DOCK11: variants seen among roughly 807,000 people sequenced by gnomAD.
DOCK11 encodes dedicator of cytokinesis 11.
In DOCK11, 70 loss-of-function variants were observed where a neutral mutation model predicts 169.1. The ratio of observed to expected loss-of-function variants is 0.41; its 90% CI spans 0.34 to 0.51. The LOEUF (loss-of-function observed/expected upper bound fraction) is 0.51, where lower values mean the gene tolerates loss of function less well. Among genes scored for constraint, DOCK11 ranks in the 20% least tolerant of loss-of-function variants. The pLI, the probability that DOCK11 is intolerant of heterozygous loss-of-function variation, is 0.10. For missense variants in DOCK11, 1,166 were observed against 1,538.8 expected, an observed-to-expected ratio of 0.76 and a Z score of 4.05; for synonymous variants, 529 against 541.3, an observed-to-expected ratio of 0.98 and a Z score of 0.32.
chrX:118,605,581 A>G (rs1603110716), intron 24 of DOCK11, among the ~76,000 whole-genome samples: 1 of 112,036 alleles, frequency 8.9e-6, no homozygotes, highest in African/African-American at 3.2e-5. Flanking sequence ...TGAATTTTCC[A>G]CGGTTTCTCC....
At chrX:118,523,150 C>T (rs1300219323) in intron 1 of DOCK11, among the ~76,000 whole-genome samples, 2 of 112,441 alleles carry the variant, frequency 1.8e-5, no homozygotes, top group African/African-American at 3.2e-5. Flanking sequence ...ATTTCTTCCT[C>T]CTGTCCTACA....
At chrX:118,498,906 G>A (rs1465917884) in intron 1 of DOCK11, among the ~76,000 whole-genome samples, 1 of 111,760 alleles carries the variant, frequency 8.9e-6, no homozygotes, top group Non-Finnish European at 1.9e-5. Flanking sequence ...CTGTTATTCA[G>A]TTATTAGTAC....
intron 27 of DOCK11, 103 bp downstream of exon 27, chrX:118,609,452 A>G (rs1356650415): frequency 2.9e-5 from 17 of 594,287 alleles, no homozygotes; most frequent in Non-Finnish European, 4.3e-5. Context: ...TTACTCTCAG[A>G]TAGCCATGCC....
At chrX:118,571,952 T>C (rs755679578) in intron 10 of DOCK11, among the ~76,000 whole-genome samples, 71 of 111,682 alleles carry the variant, frequency 6.4e-4, no homozygotes, top group African/African-American at 2.3e-3. Context: ...GTCCTTGTTG[T>C]GCTGGCAAAA....
intron 48 of DOCK11, among the ~76,000 whole-genome samples, chrX:118,679,203 C>T (rs1468448977): frequency 8.9e-6 from 1 of 111,742 alleles, no homozygotes; most frequent in East Asian, 2.8e-4. Flanking sequence ...CCTCAGATTA[C>T]AGGCATGAAC....
intron 10 of DOCK11, among the ~76,000 whole-genome samples, chrX:118,570,505 A>G (rs965118646): frequency 8.9e-6 from 1 of 112,568 alleles, no homozygotes; most frequent in African/African-American, 3.2e-5. Context: ...GTAGATAAAT[A>G]GATTGAAAGG....
intron 32 of DOCK11, among the ~76,000 whole-genome samples, chrX:118,626,011 A>G (rs1484438337): frequency 9.3e-6 from 1 of 107,069 alleles, no homozygotes; most frequent in Non-Finnish European, 1.9e-5. Context: ...TGCCTTCTAA[A>G]TTTTTCTCCA....
At chrX:118,502,097 G>C in intron 1 of DOCK11, among the ~76,000 whole-genome samples, 1 of 105,784 alleles carries the variant, frequency 9.5e-6, no homozygotes, top group African/African-American at 3.5e-5. Flanking sequence ...GCCTGCATCT[G>C]TATTCTTTAA....
At chrX:118,657,867 TTGGGTA>T in intron 44 of DOCK11, among the ~76,000 whole-genome samples, 1 of 109,958 alleles carries the variant, frequency 9.1e-6, no homozygotes, top group Admixed American at 9.7e-5. Flanking sequence ...AGACTACACA[TTGGGTA>T]CTGCTCGGGT....
intron 1 of DOCK11, among the ~76,000 whole-genome samples, chrX:118,531,527 C>T (rs2011583942): frequency 2.2e-5 from 2 of 90,903 alleles, no homozygotes; most frequent in Admixed American, 2.7e-4. Flanking sequence ...TTCTATACAG[C>T]TTAACCATTT....
chrX:118,643,547 G>A lies in DOCK11; in HGVS notation c.4351G>A (p.Val1451Met), dbSNP rs763872274. ...TTTTCTTAAAAATGGACAATCTGAA[G>A]TGTCGCTGAAACATGTATTTGCCTC... ...LAFLKNGQSE[V>M]SLKHVFASLR... The change falls in exon 40 of 53, where the codon GTG becomes ATG. Residue 1451 changes from valine to methionine, a missense_variant. Physicochemically the swap from Val to Met is conservative, Grantham distance 21. Transcript: ENST00000276202. 8.3e-7 allele frequency: 1 copy of A among 1,209,519 alleles called. No homozygotes were observed. The highest frequency in any genetic ancestry group is 1.1e-6 in the Non-Finnish European group (1 of 895,025).
intron 4 of DOCK11, 49 bp from the exon 5 acceptor site, chrX:118,545,274 T>C (rs768026226): frequency 5.5e-6 from 5 of 917,033 alleles, no homozygotes; most frequent in Non-Finnish European, 7.5e-6. Context: ...TGTTTTTCTT[T>C]TTTTTTTTGG....
At chrX:118,588,345 T>C (rs762441014) in intron 17 of DOCK11, 24 bp downstream of exon 17, 15 of 1,161,489 alleles carry the variant, frequency 1.3e-5, no homozygotes, top group Middle Eastern at 2.4e-4. Flanking sequence ...CTATACATTT[T>C]TGGAGTATAA....
rs377665685 is a variant in DOCK11, at chrX:118,571,352, C to CT, written c.1036-957dup. Among the ~76,000 whole-genome samples the CT allele has an allele frequency of 5.2e-3, 532 of 102,753 alleles. 2 individuals carry two copies. Among genetic ancestry groups the CT allele is most frequent in the African/African-American group, 0.014 (393 of 28,534 alleles). The allele number at this position is 102,753 out of a possible 115,157, so 89.2% of individuals were successfully genotyped here. ...CCAAATTAGAGACCACTGTGTTAAT[C>CT]TTTTTTTTTTTTTTCTGAGACAGGA... On this transcript the variant is annotated intron_variant, in intron 10 of 52. Transcript: ENST00000276202.
chrX:118,522,362 G>A (rs2011285525), intron 1 of DOCK11, among the ~76,000 whole-genome samples: 1 of 110,913 alleles, frequency 9.0e-6, no homozygotes, highest in Non-Finnish European at 1.9e-5. Context: ...GCCTGGCTTT[G>A]AATCCTGACT....
chrX:118,538,014 C>A (rs1055440711), intron 1 of DOCK11, among the ~76,000 whole-genome samples: 1 of 111,777 alleles, frequency 8.9e-6, no homozygotes, highest in Non-Finnish European at 1.9e-5. Context: ...CACCATGGTA[C>A]CAAAATTGGC....
chrX:118,658,080 G>C (rs891628597), intron 44 of DOCK11, among the ~76,000 whole-genome samples: 3 of 111,541 alleles, frequency 2.7e-5, no homozygotes, highest in Non-Finnish European at 5.6e-5. Flanking sequence ...AAATACATTT[G>C]AGTGCAGAAC....
intron 14 of DOCK11, among the ~76,000 whole-genome samples, chrX:118,584,299 C>T (rs1279662365): frequency 1.8e-5 from 2 of 112,135 alleles, no homozygotes; most frequent in Non-Finnish European, 3.8e-5. Flanking sequence ...TAAATGGAAT[C>T]ATGCAGTATG....
chrX:118,629,969 G>A (rs1247127268), intron 34 of DOCK11, among the ~76,000 whole-genome samples: 1 of 110,166 alleles, frequency 9.1e-6, no homozygotes, highest in South Asian at 3.9e-4. Context: ...TAGCCCTTAA[G>A]ATAGATTTTC....
Sources: allele counts gnomAD v4.1 joint callset (sites outside exome capture counted in the v4.1 genomes callset), GRCh38; gene constraint gnomAD v4.1.1; transcripts MANE v1.5; gene names NCBI Gene and HGNC (gene_info 2026-07-23, HGNC 2026-07-21).